PMS1: variants seen among roughly 807,000 people sequenced by gnomAD.
PMS1 encodes PMS1 homolog 1, mismatch repair system component.
In PMS1, 79 loss-of-function variants were observed where a neutral mutation model predicts 93.1. The observed-to-expected ratio is 0.85, with a 90% confidence interval of 0.71 to 1.02. The LOEUF is 1.02. Ranked by LOEUF, PMS1 falls within the 50% of genes least tolerant of loss-of-function variation. The probability of loss-of-function intolerance (pLI) is 0.00; values close to 1 mark genes in which losing one functional copy is unlikely to be tolerated. For synonymous variants in PMS1, 335 were observed against 363.4 expected, an observed-to-expected ratio of 0.92 and a Z score of 0.89; for missense variants, 1,064 against 1,085.3, an observed-to-expected ratio of 0.98 and a Z score of 0.28.
chr2:189,806,360 T>G (rs2050342946), intron 4 of PMS1: 1 of 281,402 alleles, frequency 3.6e-6, no homozygotes, highest in South Asian at 4.4e-5. Context: ...TTATGTAATA[T>G]TATTACATTT....
At chr2:189,844,389 A>G (rs999909589) in intron 6 of PMS1, among the ~76,000 whole-genome samples, 1 of 152,188 alleles carries the variant, frequency 6.6e-6, no homozygotes, top group Non-Finnish European at 1.5e-5. Context: ...CATGCCTGTA[A>G]TTCCAGCACT....
chr2:189,788,378 A>G (rs1295295768), intron 1 of PMS1, among the ~76,000 whole-genome samples: 1 of 152,170 alleles, frequency 6.6e-6, no homozygotes, highest in Non-Finnish European at 1.5e-5. Context: ...ACTGTAATAC[A>G]TTATTTATAT....
intron 4 of PMS1, among the ~76,000 whole-genome samples, chr2:189,817,052 G>T (rs2051368812): frequency 6.6e-6 from 1 of 152,076 alleles, no homozygotes. Flanking sequence ...GGAACATTTG[G>T]CAGTATCTGG....
intron 2 of PMS1, 91 bp downstream of exon 2, chr2:189,792,032 T>C: frequency 9.2e-7 from 1 of 1,084,662 alleles, no homozygotes; most frequent in Admixed American, 2.0e-5. Flanking sequence ...TTATTTTATT[T>C]CTTTACACCA....
intron 6 of PMS1, among the ~76,000 whole-genome samples, chr2:189,846,117 G>A (rs1016054778): frequency 1.3e-5 from 2 of 152,146 alleles, no homozygotes; most frequent in African/African-American, 4.8e-5. Flanking sequence ...TGGGCGTGGT[G>A]GGTCACACCT....
intron 3 of PMS1, among the ~76,000 whole-genome samples, chr2:189,801,085 A>T (rs2049847908): frequency 1.3e-5 from 2 of 152,158 alleles, no homozygotes; most frequent in African/African-American, 4.8e-5. Flanking sequence ...CTGGGCTCAA[A>T]ATCCTGGCCT....
chr2:189,818,083 C>CA lies in PMS1; in HGVS notation c.492dup (p.Cys165MetfsTer2), dbSNP rs587778609. 1.2e-5 allele frequency: 20 copies of CA among 1,604,004 alleles called. No homozygotes were observed. The African/African-American group carries it at 1.3e-4, about 11-fold the overall frequency. ...GTAAGAAAGCAGTTTTACTCAACTGCAAAAAAATGTAAAGATGAAATAAAA... is the reference window on the plus strand; with the variant it reads ...GTAAGAAAGCAGTTTTACTCAACTGCAAAAAAAATGTAAAGATGAAATAAAA... On this transcript the variant is annotated frameshift_variant, in exon 5 of 13. Transcript: ENST00000441310. LOFTEE classifies it high-confidence loss of function.
intron 7 of PMS1, among the ~76,000 whole-genome samples, chr2:189,853,034 G>A (rs983884004): frequency 1.3e-5 from 2 of 152,016 alleles, no homozygotes; most frequent in African/African-American, 4.8e-5. Flanking sequence ...AAATTAGAGA[G>A]TTAGTAGTTT....
intron 5 of PMS1, among the ~76,000 whole-genome samples, chr2:189,832,340 T>C (rs2053022753): frequency 6.6e-6 from 1 of 152,262 alleles, no homozygotes; most frequent in Non-Finnish European, 1.5e-5. Context: ...TACTGCTATG[T>C]TGTTACAAAG....
At chr2:189,865,444 G>T (rs2056568154) in intron 10 of PMS1, among the ~76,000 whole-genome samples, 1 of 152,114 alleles carries the variant, frequency 6.6e-6, no homozygotes, top group Non-Finnish European at 1.5e-5. Flanking sequence ...TACTTAATAG[G>T]TTGGCTATAT....
intron 9 of PMS1, among the ~76,000 whole-genome samples, chr2:189,859,467 G>A (rs1208666477): frequency 6.6e-6 from 1 of 152,144 alleles, no homozygotes; most frequent in African/African-American, 2.4e-5. Context: ...TTCTGGGTAT[G>A]TACTGGAATC....
chr2:189,787,016 G>C (rs1297098185), intron 1 of PMS1, among the ~76,000 whole-genome samples: 1 of 152,168 alleles, frequency 6.6e-6, no homozygotes, highest in African/African-American at 2.4e-5. Flanking sequence ...TTGTGCCATT[G>C]CATTTCAGCC....
intron 4 of PMS1, among the ~76,000 whole-genome samples, chr2:189,808,367 G>A (rs1257225266): frequency 3.9e-5 from 6 of 151,970 alleles, no homozygotes; most frequent in African/African-American, 9.7e-5. Context: ...TTACTCTGTC[G>A]CCCAGGCTGG....
intron 3 of PMS1, among the ~76,000 whole-genome samples, chr2:189,800,437 A>G (rs2049788675): frequency 6.6e-6 from 1 of 152,180 alleles, no homozygotes; most frequent in Non-Finnish European, 1.5e-5. Flanking sequence ...GTATTTGAGA[A>G]AAACAGGAAG....
At chr2:189,855,918 T>TA in intron 9 of PMS1, 1 of 865,012 alleles carries the variant, frequency 1.2e-6, no homozygotes, top group South Asian at 2.8e-5. Context: ...CATATACAGG[T>TA]ATCTGAGTAT....
intron 4 of PMS1, 37 bp from the exon 5 acceptor site, chr2:189,817,980 C>G: frequency 6.6e-7 from 1 of 1,505,976 alleles, no homozygotes; most frequent in Non-Finnish European, 9.2e-7. Flanking sequence ...GACGTTCCTT[C>G]CAAATCTAAA....
chr2:189,817,972 C>T (rs769480702), intron 4 of PMS1, 45 bp from the exon 5 acceptor site: 14 of 1,373,866 alleles, frequency 1.0e-5, no homozygotes, highest in African/African-American at 7.1e-5. Flanking sequence ...AGATCTGTGA[C>T]GTTCCTTCCA....
intron 1 of PMS1, among the ~76,000 whole-genome samples, chr2:189,789,229 C>T (rs865905694): frequency 6.6e-6 from 1 of 152,226 alleles, no homozygotes; most frequent in Middle Eastern, 3.4e-3. Context: ...TAGAACAACA[C>T]TTTATATATT....
At chr2:189,830,491 C>G (rs1271506125) in intron 5 of PMS1, among the ~76,000 whole-genome samples, 1 of 152,186 alleles carries the variant, frequency 6.6e-6, no homozygotes. Context: ...CCCCTGTCCC[C>G]CCGCTTCCCC....
Sources: allele counts gnomAD v4.1 joint callset (sites outside exome capture counted in the v4.1 genomes callset), GRCh38; gene constraint gnomAD v4.1.1; transcripts MANE v1.5; gene names NCBI Gene and HGNC (gene_info 2026-07-23, HGNC 2026-07-21).